ZNRF1: variants seen among roughly 807,000 people sequenced by gnomAD.
The protein encoded by ZNRF1 is zinc and ring finger 1.
Under a neutral mutation model 18.4 loss-of-function variants are expected in ZNRF1, and 3 were observed. The observed-to-expected ratio is 0.16, with a 90% CI of 0.07 to 0.42. The LOEUF is 0.42. ZNRF1 is among the 10% of genes least tolerant of loss of function. The pLI is 0.99. For missense variants in ZNRF1, 310 were observed against 329.8 expected, an observed-to-expected ratio of 0.94 and a Z score of 0.47; for synonymous variants, 157 against 144.2, an observed-to-expected ratio of 1.09 and a Z score of -0.64.
intron 1 of ZNRF1, among the ~76,000 whole-genome samples, chr16:75,085,791 T>TGAGAGAGAGAGAGAGAGAGAGA (rs71378737): frequency 3.8e-4 from 53 of 139,024 alleles, no homozygotes; most frequent in Non-Finnish European, 5.6e-4. Context: ...TCCGACAGAG[T>TGAGAGAGAGAGAGAGAGAGAGA]GAGAGAGAGA....
intron 1 of ZNRF1, among the ~76,000 whole-genome samples, chr16:75,060,586 C>T (rs533095773): frequency 1.8e-4 from 26 of 146,976 alleles, no homozygotes; most frequent in African/African-American, 6.5e-4. Context: ...TCAAGCGATT[C>T]TCCTGCCTCC....
intron 1 of ZNRF1, among the ~76,000 whole-genome samples, chr16:75,058,689 G>C (rs2035699656): frequency 6.6e-6 from 1 of 152,216 alleles, no homozygotes; most frequent in South Asian, 2.1e-4. Context: ...TTTGGGTTGA[G>C]TTTGGTAACC....
At position 75,049,512 on chromosome 16, in the gene ZNRF1, A is replaced by G. The variant is rs1360806353; in HGVS notation, c.425-44060A>G. 2.6e-5 allele frequency among the ~76,000 whole-genome samples: 4 copies of G among 152,098 alleles called. No individual in the cohort carries two copies. The East Asian group carries it at 7.7e-4, about 29-fold the overall frequency. On this transcript the variant is annotated intron_variant, in intron 1 of 4. Coordinates refer to ENST00000335325, the MANE Select transcript of ZNRF1 (RefSeq NM_032268.5). ...TGGATAGTTTTTAAAAATTGCTTGT[A>G]GAGGCTGGGTGCAGTGGCTCACACC...
chr16:75,075,792 G>A (rs1328431731), intron 1 of ZNRF1, among the ~76,000 whole-genome samples: 3 of 152,206 alleles, frequency 2.0e-5, no homozygotes, highest in East Asian at 3.8e-4. Context: ...CTCAGGAATC[G>A]ATGTTAGGAT....
chr16:75,080,941 A>G (rs1001913160), intron 1 of ZNRF1, among the ~76,000 whole-genome samples: 2 of 152,150 alleles, frequency 1.3e-5, no homozygotes, highest in African/African-American at 4.8e-5. Flanking sequence ...TGGGAGGCCA[A>G]GGTGGGCGGA....
chr16:75,085,784 G>T (rs1361675516), intron 1 of ZNRF1, among the ~76,000 whole-genome samples: 1 of 122,132 alleles, frequency 8.2e-6, no homozygotes, highest in Non-Finnish European at 1.7e-5. Flanking sequence ...AAACAGATCC[G>T]ACAGAGTGAG....
intron 1 of ZNRF1, among the ~76,000 whole-genome samples, chr16:75,092,087 C>G (rs1192109740): frequency 6.6e-6 from 1 of 151,806 alleles, no homozygotes. Flanking sequence ...CTGTTTGAGC[C>G]CAGGGGTTCA....
At chr16:75,048,938 AT>A (rs1217614956) in intron 1 of ZNRF1, among the ~76,000 whole-genome samples, 2 of 150,030 alleles carry the variant, frequency 1.3e-5, no homozygotes, top group Non-Finnish European at 3.0e-5. Flanking sequence ...TTGTTTAGTT[AT>A]TTTTTTTGTC....
rs374148009 is a variant in ZNRF1 at position 75,044,252 on chromosome 16, C to T, written c.424+44157C>T. On this transcript the variant is annotated intron_variant, in intron 1 of 4. Coordinates refer to ENST00000335325, the MANE Select transcript of ZNRF1 (RefSeq NM_032268.5). ...TTAAAATTTATTTTATTTTTTGAGA[C>T]GGAGTCTCTCTCTGTTGCCCAGGCT... Among the ~76,000 whole-genome samples, 14 of 152,180 alleles carry T rather than the reference C, an allele frequency of 9.2e-5. 2 individuals carry two copies. Among genetic ancestry groups the T allele is most frequent in the East Asian group, 7.7e-4 (4 of 5,168 alleles).
intron 1 of ZNRF1, among the ~76,000 whole-genome samples, chr16:75,071,977 C>T (rs945439774): frequency 6.6e-6 from 1 of 152,064 alleles, no homozygotes; most frequent in Non-Finnish European, 1.5e-5. Context: ...GAGATAAGGT[C>T]TTTCCAGCTG....
At chr16:75,056,934 G>A (rs544863632) in intron 1 of ZNRF1, among the ~76,000 whole-genome samples, 1 of 151,426 alleles carries the variant, frequency 6.6e-6, no homozygotes, top group South Asian at 2.1e-4. Context: ...ACTGCGCCTG[G>A]TCAGGAAAAG....
intron 3 of ZNRF1, 195 bp downstream of exon 3, chr16:75,105,084 C>G: frequency 1.9e-6 from 1 of 530,770 alleles, no homozygotes; most frequent in South Asian, 2.0e-5. Context: ...AAGTGCAGAG[C>G]AGAGTGGAGT....
At chr16:75,038,918 T>G (rs557141777) in intron 1 of ZNRF1, among the ~76,000 whole-genome samples, 8 of 152,358 alleles carry the variant, frequency 5.3e-5, no homozygotes, top group Admixed American at 2.6e-4. Flanking sequence ...TGCTCCAGTA[T>G]ACAGTGATGT....
intron 1 of ZNRF1, among the ~76,000 whole-genome samples, chr16:75,068,704 A>G (rs372858538): frequency 6.6e-6 from 1 of 151,852 alleles, no homozygotes; most frequent in Non-Finnish European, 1.5e-5. Flanking sequence ...CCTGGGGTCT[A>G]GCATCTGTGC....
At chr16:75,045,369 A>T (rs1216983149) in intron 1 of ZNRF1, among the ~76,000 whole-genome samples, 1 of 152,074 alleles carries the variant, frequency 6.6e-6, no homozygotes, top group African/African-American at 2.4e-5. Context: ...AAAGGCTGGG[A>T]AGGAGAAGCT....
chr16:74,999,868 G>T lies in ZNRF1; in HGVS notation c.197G>T (p.Gly66Val), dbSNP rs1033906243. The T allele has an allele frequency of 1.3e-6, 2 of 1,524,570 alleles. No homozygotes were observed. The highest frequency in any genetic ancestry group is 1.8e-6 in the Non-Finnish European group (2 of 1,139,832). The allele number at this position is 1,524,570 out of a possible 1,614,324, so 94.4% of individuals were successfully genotyped here. The change falls in exon 1 of 5, where the codon GGG becomes GTG. Residue 66 changes from glycine (G) to valine (V), a missense_variant. Physicochemically the swap from Gly to Val is moderately radical, Grantham distance 109. Around this residue, in one of 2 missense-constraint regions of ZNRF1, gnomAD observed 293 missense variants for 291.2 expected, o/e 1.01. Coordinates refer to ENST00000335325, the MANE Select transcript of ZNRF1 (RefSeq NM_032268.5). ...GGCATGGACCCCAGCACGGCCGGGGGGGTGCCCTTTGGCCTCTACACCCCC... is the reference window on the plus strand; with the variant it reads ...GGCATGGACCCCAGCACGGCCGGGGTGGTGCCCTTTGGCCTCTACACCCCC... ...GMGMDPSTAG[G>V]VPFGLYTPAS...
chr16:75,002,008 A>G (rs938559103), intron 1 of ZNRF1, among the ~76,000 whole-genome samples: 2 of 152,170 alleles, frequency 1.3e-5, no homozygotes, highest in Non-Finnish European at 2.9e-5. Context: ...TTAATATTGT[A>G]GGTAATCCAT....
intron 1 of ZNRF1, among the ~76,000 whole-genome samples, chr16:75,086,989 G>A (rs567737079): frequency 5.3e-5 from 8 of 152,286 alleles, no homozygotes; most frequent in Admixed American, 1.3e-4. Flanking sequence ...GGAGCAACAC[G>A]CCGCCAGCAC....
chr16:75,075,522 C>CA (rs2035928865), intron 1 of ZNRF1, among the ~76,000 whole-genome samples: 1 of 152,246 alleles, frequency 6.6e-6, no homozygotes. Flanking sequence ...GGAATGGACT[C>CA]AGACAGCAGG....
Sources: gnomAD v4.1 joint callset for allele counts (sites outside exome capture counted in the v4.1 genomes callset) on GRCh38, gnomAD v4.1.1 for gene constraint, gnomAD v4.1.1 regional missense constraint, MANE v1.5 for transcripts, NCBI Gene and HGNC (gene_info 2026-07-23, HGNC 2026-07-21) for gene names.